The following ZBTB20 variants were observed in gnomAD, a reference collection of about 807,000 sequenced individuals.
ZBTB20 encodes the protein zinc finger and BTB domain containing 20.
Under a neutral mutation model 56.9 loss-of-function variants are expected in ZBTB20, and 9 were observed. The ratio of observed to expected loss-of-function variants is 0.16; its 90% CI spans 0.10 to 0.28. The LOEUF (loss-of-function observed/expected upper bound fraction) is 0.28, where lower values mean the gene tolerates loss of function less well. ZBTB20 is among the 10% of genes least tolerant of loss of function. ZBTB20 has a pLI of 1.00. For synonymous variants in ZBTB20, 417 were observed against 420.7 expected (o/e 0.99, Z 0.11); for missense variants, 655 against 1,003.0 (o/e 0.65, Z 4.69).
rs1323160718 is a variant in ZBTB20 at position 114,556,047 on chromosome 3, A to G, written c.-294-55656T>C. On this transcript the variant is annotated intron_variant, in intron 6 of 11. Transcript: ENST00000675478. ...CTCTCTATCAATGGAGGATAACAACATCTCACTATCCACTATTAGCAATTA... is the reference window on the plus strand; with the variant it reads ...CTCTCTATCAATGGAGGATAACAACGTCTCACTATCCACTATTAGCAATTA... Among the ~76,000 whole-genome samples the G allele has an allele frequency of 4.6e-5, 7 of 152,108 alleles. No homozygotes were observed. The South Asian group carries it at 1.4e-3, about 32-fold the overall frequency.
chr3:114,822,896 G>A (rs1348617584), intron 4 of ZBTB20, among the ~76,000 whole-genome samples: 3 of 151,950 alleles, frequency 2.0e-5, no homozygotes, highest in African/African-American at 4.8e-5. Context: ...AGGTACATCC[G>A]TTGTCTTTGA....
Position 114,380,315 on chromosome 3 carries a change from G to A in ZBTB20, c.101C>T (p.Pro34Leu), listed in dbSNP as rs1245277782. The A allele has an allele frequency of 1.5e-5, 23 of 1,537,078 alleles. No individual in the cohort carries two copies. The highest frequency in any genetic ancestry group is 1.9e-5 in the Non-Finnish European group (22 of 1,146,892). Reference protein sequence around the residue: ...PGGSSAKPGLPCLNFEAVLSP... With the variant: ...PGGSSAKPGLLCLNFEAVLSP... ...CAAAACAGCTTCAAAGTTCAGGCAGGGAAGGCCCGGCTTGGCGCTGGATCC... is the reference window on the plus strand; with the variant it reads ...CAAAACAGCTTCAAAGTTCAGGCAGAGAAGGCCCGGCTTGGCGCTGGATCC... The change falls in exon 10 of 12, where the codon CCC becomes CTC. Residue 34 changes from proline to leucine, a missense_variant. Transcript: ENST00000675478.
intron 4 of ZBTB20, among the ~76,000 whole-genome samples, chr3:114,874,680 G>A (rs2076128455): frequency 6.6e-6 from 1 of 152,140 alleles, no homozygotes; most frequent in Non-Finnish European, 1.5e-5. Context: ...ATGCAGCAGT[G>A]AGATGGCCCT....
intron 5 of ZBTB20, among the ~76,000 whole-genome samples, chr3:114,706,357 C>A (rs547212644): frequency 1.3e-5 from 2 of 152,230 alleles, no homozygotes; most frequent in East Asian, 3.9e-4. Flanking sequence ...ATTAATGATA[C>A]ATAAATCTGC....
chr3:114,663,254 A>G (rs1409102518), intron 6 of ZBTB20, among the ~76,000 whole-genome samples: 2 of 149,600 alleles, frequency 1.3e-5, no homozygotes, highest in African/African-American at 2.5e-5. Context: ...AAAGAAAAGA[A>G]TTTTCAACCC....
intron 2 of ZBTB20, among the ~76,000 whole-genome samples, chr3:115,055,164 C>T (rs1443539046): frequency 6.7e-6 from 1 of 148,346 alleles, no homozygotes; most frequent in Non-Finnish European, 1.5e-5. Context: ...CTCCAACTTA[C>T]AATCTTTTGC....
intron 5 of ZBTB20, chr3:114,758,997 T>C (rs2068234628): frequency 6.6e-6 from 1 of 152,134 alleles, no homozygotes; most frequent in Non-Finnish European, 1.5e-5. Context: ...ATGTTAAGAA[T>C]TTAGGAAGAG....
chr3:115,038,980 C>T (rs2081039791), intron 2 of ZBTB20, among the ~76,000 whole-genome samples: 1 of 151,976 alleles, frequency 6.6e-6, no homozygotes, highest in African/African-American at 2.4e-5. Context: ...TCTCTGACAT[C>T]ATAACTAGAT....
intron 6 of ZBTB20, among the ~76,000 whole-genome samples, chr3:114,644,281 A>C (rs1482246480): frequency 6.6e-6 from 1 of 152,104 alleles, no homozygotes; most frequent in Non-Finnish European, 1.5e-5. Context: ...AAGAAATTAG[A>C]AATCTATTGG....
At chr3:114,343,477 C>T (rs1031979293) in intron 11 of ZBTB20, among the ~76,000 whole-genome samples, 11 of 152,074 alleles carry the variant, frequency 7.2e-5, no homozygotes, top group East Asian at 1.9e-4. Context: ...TTCGTGAGTA[C>T]AGTGATGGGT....
chr3:114,581,873 A>T (rs2054661627), intron 6 of ZBTB20, among the ~76,000 whole-genome samples: 1 of 152,170 alleles, frequency 6.6e-6, no homozygotes, highest in Admixed American at 6.5e-5. Context: ...AGTAAAGTTC[A>T]AAATGCATAT....
chr3:114,753,311 G>A (rs2067712392), intron 5 of ZBTB20, among the ~76,000 whole-genome samples: 1 of 135,804 alleles, frequency 7.4e-6, no homozygotes, highest in Non-Finnish European at 1.5e-5. Flanking sequence ...TATATATAAT[G>A]TATATATGTA....
At chr3:114,372,133 G>A (rs894119340) in intron 10 of ZBTB20, among the ~76,000 whole-genome samples, 1 of 152,212 alleles carries the variant, frequency 6.6e-6, no homozygotes, top group Non-Finnish European at 1.5e-5. Context: ...AAGTAAGGAT[G>A]TGAGAAGTCT....
intron 5 of ZBTB20, chr3:114,791,744 C>A (rs940791099): frequency 6.6e-6 from 1 of 152,140 alleles, no homozygotes; most frequent in Non-Finnish European, 1.5e-5. Context: ...AAGTAGAAGA[C>A]CTTGTCAAAA....
chr3:114,669,666 A>G (rs1279100877), intron 6 of ZBTB20, among the ~76,000 whole-genome samples: 1 of 151,838 alleles, frequency 6.6e-6, no homozygotes, highest in Admixed American at 6.6e-5. Context: ...ATGCAAAGTT[A>G]AAGTCATTTT....
chr3:115,039,335 A>T (rs1245330995), intron 2 of ZBTB20, among the ~76,000 whole-genome samples: 1 of 152,070 alleles, frequency 6.6e-6, no homozygotes, highest in Non-Finnish European at 1.5e-5. Context: ...AACAATCGGG[A>T]TAGAAAACGT....
rs1292745098 is a variant in ZBTB20 at position 114,339,711 on chromosome 3, G to A, written c.1805-285C>T. Among the ~76,000 whole-genome samples the A allele has an allele frequency of 6.6e-6, 1 of 152,136 alleles. No homozygotes were observed. Among genetic ancestry groups the A allele is most frequent in the East Asian group, 1.9e-4 (1 of 5,188 alleles). On this transcript the variant is annotated intron_variant, in intron 11 of 11. Transcript: ENST00000675478. This position sits in a 1 kb window ranked among gnomAD's most constrained non-coding sequence, Gnocchi z 4.2. The stretch of plus-strand genomic sequence containing the variant: ...AGCTACCAGATATTCCCCACTAAAA[G>A]TCTTCAAGGTCACTCCGTGGAAAAG...
chr3:114,650,179 GA>G (rs960540190), intron 6 of ZBTB20, among the ~76,000 whole-genome samples: 3 of 151,280 alleles, frequency 2.0e-5, no homozygotes, highest in Non-Finnish European at 4.4e-5. Flanking sequence ...TAAAAATTCT[GA>G]AAAAATTATT....
intron 10 of ZBTB20, among the ~76,000 whole-genome samples, chr3:114,363,171 A>G (rs1405996860): frequency 6.6e-6 from 1 of 152,236 alleles, no homozygotes. Context: ...GTTTATAACC[A>G]AGAGTAACTT....
Sources: allele counts gnomAD v4.1 joint callset (sites outside exome capture counted in the v4.1 genomes callset), GRCh38; gene constraint gnomAD v4.1.1; non-coding constraint Gnocchi (gnomAD v3.1); transcripts MANE v1.5; gene names NCBI Gene and HGNC (gene_info 2026-07-23, HGNC 2026-07-21).